Variants in STK33 observed in about 807,000 individuals in gnomAD.
STK33 encodes the protein serine/threonine kinase 33, also known as serine/threonine-protein kinase 33.
Under a neutral mutation model 58.0 loss-of-function variants are expected in STK33, and 52 were observed. That is an observed-to-expected ratio of 0.90 (90% CI 0.72 to 1.13). The LOEUF (loss-of-function observed/expected upper bound fraction) is 1.13. STK33 is among the 50% of genes most tolerant of loss of function. The probability of loss-of-function intolerance (pLI) is 0.00; values close to 1 mark genes in which losing one functional copy is unlikely to be tolerated. For synonymous variants in STK33, 215 were observed against 200.1 expected, an observed-to-expected ratio of 1.07 and a Z score of -0.63; for missense variants, 630 against 604.2, an observed-to-expected ratio of 1.04 and a Z score of -0.45.
chr11:8,587,250 A>G (rs2031824534), intron 1 of STK33, among the ~76,000 whole-genome samples: 1 of 152,252 alleles, frequency 6.6e-6, no homozygotes, highest in Admixed American at 6.5e-5. Context: ...GAAAATTTGA[A>G]AACATTTTTC....
At chr11:8,504,056 G>C (rs1428229963) in intron 1 of STK33, among the ~76,000 whole-genome samples, 3 of 152,144 alleles carry the variant, frequency 2.0e-5, no homozygotes, top group Non-Finnish European at 4.4e-5. Flanking sequence ...GCTAAAAATA[G>C]TCATTTGTTT....
intron 1 of STK33, among the ~76,000 whole-genome samples, chr11:8,581,965 C>CA (rs2030389580): frequency 1.3e-5 from 2 of 152,312 alleles, no homozygotes; most frequent in South Asian, 4.1e-4. Flanking sequence ...CAGCACTCAA[C>CA]AATCCAGTTA....
the STK33 span, among the ~76,000 whole-genome samples, chr11:8,374,416 G>A: frequency 6.6e-6 from 1 of 152,214 alleles, no homozygotes; most frequent in Non-Finnish European, 1.5e-5. Context: ...TTTTCTCACA[G>A]TTCTGGAGGC....
chr11:8,581,896 C>CA (rs1209189829), intron 1 of STK33, among the ~76,000 whole-genome samples: 1 of 152,334 alleles, frequency 6.6e-6, no homozygotes, highest in East Asian at 1.9e-4. Context: ...TTTACCTCTA[C>CA]ATCTATTACC....
At position 8,409,654 on chromosome 11, in the gene STK33, G is replaced by T. The variant is rs146021012; in HGVS notation, c.1344+3841C>A. Among the ~76,000 whole-genome samples the T allele has an allele frequency of 3.0e-4, 46 of 152,250 alleles. 1 individual carries two copies. In the East Asian group the frequency reaches 7.3e-3, roughly 24 times the overall value. ...GCAGCACATTATCACTTCTGAAAAT[G>T]AAATTTCTTGGTCTGTTTACTAGTT... On this transcript the variant is annotated intron_variant, in intron 15 of 15. Coordinates refer to ENST00000687296, the MANE Select transcript of STK33 (RefSeq NM_001352389.2).
chr11:8,517,591 A>G (rs185478222), intron 1 of STK33, among the ~76,000 whole-genome samples: 1,660 of 152,298 alleles, frequency 0.011, 15 homozygotes, highest in Non-Finnish European at 0.019. Context: ...AAAAACCTTG[A>G]AAAAAGATTA....
At chr11:8,393,046 C>T (rs1386448017) in intron 15 of STK33, among the ~76,000 whole-genome samples, 1 of 152,210 alleles carries the variant, frequency 6.6e-6, no homozygotes, top group African/African-American at 2.4e-5. Context: ...CAGATTTCTA[C>T]ACAAGCTCTG....
intron 1 of STK33, among the ~76,000 whole-genome samples, chr11:8,524,024 C>A (rs1156383404): frequency 2.0e-5 from 3 of 152,200 alleles, no homozygotes; most frequent in African/African-American, 7.2e-5. Context: ...ACCCCCAACC[C>A]AGTGCTCTCT....
the STK33 span, among the ~76,000 whole-genome samples, chr11:8,382,632 C>T: frequency 6.6e-6 from 1 of 152,148 alleles, no homozygotes; most frequent in Non-Finnish European, 1.5e-5. Flanking sequence ...ACCACACCTG[C>T]GCTCACCCTG....
At chr11:8,486,374 T>C (rs1243349077) in intron 1 of STK33, among the ~76,000 whole-genome samples, 3 of 151,916 alleles carry the variant, frequency 2.0e-5, no homozygotes, top group Non-Finnish European at 4.4e-5. Flanking sequence ...AATCCAGTGC[T>C]TTCTCTAGGC....
chr11:8,566,457 C>G (rs947448314), intron 1 of STK33, among the ~76,000 whole-genome samples: 1 of 152,178 alleles, frequency 6.6e-6, no homozygotes, highest in African/African-American at 2.4e-5. Flanking sequence ...GAAAAAGAAT[C>G]TGAAGTACTA....
the STK33 span, among the ~76,000 whole-genome samples, chr11:8,386,517 T>C: frequency 6.6e-6 from 1 of 152,196 alleles, no homozygotes; most frequent in African/African-American, 2.4e-5. Context: ...GAATAAGAAC[T>C]GCCTCTCTTC....
At chr11:8,426,939 C>T (rs112116489) in intron 14 of STK33, among the ~76,000 whole-genome samples, 1 of 152,156 alleles carries the variant, frequency 6.6e-6, no homozygotes, top group South Asian at 2.1e-4. Flanking sequence ...GCCCTTGCCC[C>T]CTTCCCAGTG....
rs367759654 is a variant in STK33 at position 8,513,513 on chromosome 11, C to T, written c.-465-32899G>A. On this transcript the variant is annotated intron_variant, in intron 1 of 15. Coordinates refer to ENST00000687296, the MANE Select transcript of STK33 (RefSeq NM_001352389.2). Reference sequence around the variant, plus strand: ...ACTATAAGTCTGATTGTAAAAATTACAGTCCATATAGAATCATGCTATCCA... The same window carrying T: ...ACTATAAGTCTGATTGTAAAAATTATAGTCCATATAGAATCATGCTATCCA... Among the ~76,000 whole-genome samples, 54 of 152,296 alleles carry T rather than the reference C, an allele frequency of 3.5e-4. No individual in the cohort carries two copies. The South Asian group carries it at 0.011, about 30-fold the overall frequency.
intron 1 of STK33, among the ~76,000 whole-genome samples, chr11:8,519,770 A>G (rs553984575): frequency 2.4e-4 from 37 of 152,318 alleles, no homozygotes; most frequent in Non-Finnish European, 4.4e-4. Context: ...CTGGACACAT[A>G]CACCCTCCCA....
chr11:8,392,288 C>T lies in STK33; in HGVS notation c.*222G>A, dbSNP rs895998209. The stretch of plus-strand genomic sequence containing the variant: ...TTGAGTTGATTTCCACTGCAGCCCA[C>T]TGCCAAGCCTACTGGTGGCTGTCCT... On this transcript the variant is annotated 3_prime_UTR_variant, in exon 16 of 16. Coordinates refer to ENST00000687296, the MANE Select transcript of STK33 (RefSeq NM_001352389.2). 1.7e-5 allele frequency: 10 copies of T among 578,250 alleles called. 2 individuals are homozygous for T. The highest frequency in any genetic ancestry group is 9.1e-6 in the Non-Finnish European group (3 of 329,126). 35.8% of individuals were successfully genotyped at this position (578,250 alleles called of 1,614,324 possible).
At chr11:8,421,000 G>C (rs542829906) in intron 14 of STK33, among the ~76,000 whole-genome samples, 21 of 151,438 alleles carry the variant, frequency 1.4e-4, no homozygotes, top group Non-Finnish European at 2.5e-4. Flanking sequence ...AAAAGGGGAG[G>C]GGGGGAATAT....
chr11:8,362,364 G>A, the STK33 span, among the ~76,000 whole-genome samples: 1 of 152,114 alleles, frequency 6.6e-6, no homozygotes, highest in East Asian at 1.9e-4. Flanking sequence ...TTCATTTGGC[G>A]CCCGGAATGC....
At chr11:8,577,453 G>C (rs9284151) in intron 1 of STK33, among the ~76,000 whole-genome samples, 91,545 of 151,986 alleles carry the variant, frequency 0.6, 27,859 homozygotes, top group African/African-American at 0.65. Context: ...TTATTATTTA[G>C]TATTTATGCT....
Sources: gnomAD v4.1 joint callset for allele counts (sites outside exome capture counted in the v4.1 genomes callset) on GRCh38, gnomAD v4.1.1 for gene constraint, MANE v1.5 for transcripts, NCBI Gene and HGNC (gene_info 2026-07-23, HGNC 2026-07-21) for gene names.